The following STPG2 variants were observed in gnomAD, a reference collection of about 807,000 sequenced individuals.
The protein encoded by STPG2 is sperm tail PG-rich repeat containing 2.
In STPG2, 56 loss-of-function variants were observed where a neutral mutation model predicts 54.2. The ratio of observed to expected loss-of-function variants is 1.03; its 90% CI spans 0.83 to 1.29. STPG2 has a LOEUF of 1.29. Ranked by LOEUF, STPG2 falls within the 50% of genes most tolerant of loss-of-function variation. The probability of loss-of-function intolerance (pLI) is 0.00; values close to 1 mark genes in which losing one functional copy is unlikely to be tolerated. For missense variants in STPG2, 596 were observed against 544.9 expected (o/e 1.09, Z -0.93); for synonymous variants, 200 against 181.8 (o/e 1.10, Z -0.81).
chr4:97,832,060 C>A (rs950686366), intron 9 of STPG2, among the ~76,000 whole-genome samples: 3 of 152,086 alleles, frequency 2.0e-5, no homozygotes, highest in Non-Finnish European at 2.9e-5. Context: ...GGCAGAGACA[C>A]AACAAAAACA....
At chr4:97,725,842 T>C (rs1724606165) in intron 9 of STPG2, among the ~76,000 whole-genome samples, 1 of 151,900 alleles carries the variant, frequency 6.6e-6, no homozygotes, top group Admixed American at 6.6e-5. Flanking sequence ...CGTAGATATA[T>C]TACTGTGAAA....
At chr4:97,578,049 T>C (rs1024875554) in intron 10 of STPG2, among the ~76,000 whole-genome samples, 3 of 151,968 alleles carry the variant, frequency 2.0e-5, no homozygotes, top group Admixed American at 6.6e-5. Flanking sequence ...TCCTGTTAGA[T>C]TTAATTAACC....
rs1578192076 is a variant in STPG2 at position 98,143,373 on chromosome 4, A to G, written c.-223T>C. 3 of 519,144 alleles carry G rather than the reference A, an allele frequency of 5.8e-6. No homozygotes were observed. In the East Asian group the frequency reaches 9.6e-5, roughly 17 times the overall value. The allele number at this position is 519,144 out of a possible 1,614,324, so 32.2% of individuals were successfully genotyped here. ...AGCTCTGTGGTAAAGTAGAGGGGTG[A>G]GCGACTAGAGATTAGACGTCCCACA... On this transcript the variant is annotated 5_prime_UTR_variant, in exon 1 of 11. Coordinates refer to ENST00000295268, the MANE Select transcript of STPG2 (RefSeq NM_174952.3).
chr4:97,988,443 T>A (rs955292209), intron 5 of STPG2, among the ~76,000 whole-genome samples: 1 of 152,178 alleles, frequency 6.6e-6, no homozygotes, highest in Non-Finnish European at 1.5e-5. Context: ...CTCTAGAGTA[T>A]AAAACAGTAC....
At chr4:97,647,165 G>A (rs1721936073) in intron 10 of STPG2, among the ~76,000 whole-genome samples, 1 of 152,110 alleles carries the variant, frequency 6.6e-6, no homozygotes, top group South Asian at 2.1e-4. Context: ...ATGAGAAGTA[G>A]CATAAATGCT....
At chr4:97,760,841 G>A (rs1227238784) in intron 9 of STPG2, among the ~76,000 whole-genome samples, 1 of 152,108 alleles carries the variant, frequency 6.6e-6, no homozygotes, top group African/African-American at 2.4e-5. Context: ...GCTAAAATAT[G>A]GATGACTGCA....
At chr4:97,518,437 G>C (rs915844493) in intron 4 of STPG2, among the ~76,000 whole-genome samples, 1 of 152,044 alleles carries the variant, frequency 6.6e-6, no homozygotes, top group Non-Finnish European at 1.5e-5. Flanking sequence ...AAGGTTAAAA[G>C]TTATGACATG....
chr4:97,811,481 TAAACA>T (rs1727739306), intron 9 of STPG2, among the ~76,000 whole-genome samples: 4 of 152,120 alleles, frequency 2.6e-5, no homozygotes, highest in African/African-American at 9.7e-5. Flanking sequence ...TTATTTTATT[TAAACA>T]TAGTTCCATT....
intron 5 of STPG2, among the ~76,000 whole-genome samples, chr4:98,036,876 C>G (rs528866683): frequency 2.0e-4 from 30 of 152,090 alleles, no homozygotes; most frequent in Non-Finnish European, 1.3e-4. Flanking sequence ...AAAATCAACA[C>G]AACTAAAAAT....
At chr4:97,452,114 G>GCCCCCCCCCCCCCC (rs751089640) in intron 4 of STPG2, among the ~76,000 whole-genome samples, 1 of 17,014 alleles carries the variant, frequency 5.9e-5, no homozygotes, top group Admixed American at 6.7e-4. Flanking sequence ...CAGGAGCCCC[G>GCCCCCCCCCCCCCC]CCCCCACCCC....
intron 3 of STPG2, among the ~76,000 whole-genome samples, chr4:98,117,422 T>C (rs1739551665): frequency 6.6e-6 from 1 of 152,032 alleles, no homozygotes; most frequent in Non-Finnish European, 1.5e-5. Flanking sequence ...TTAATCTTAC[T>C]TAGAGTTTGT....
Position 97,608,326 on chromosome 4 carries a change from G to A in STPG2, c.1321-49209C>T, listed in dbSNP as rs1733645011. Among the ~76,000 whole-genome samples, 4 of 151,766 alleles carry A rather than the reference G, an allele frequency of 2.6e-5. No individual in the cohort carries two copies. In the South Asian group the frequency reaches 8.3e-4, roughly 32 times the overall value. Reference sequence around the variant, plus strand: ...AATAATGTAGCATAAAATTGAAGGTGCCTAACTGATTAAAAAAAAATTTGG... The same window carrying A: ...AATAATGTAGCATAAAATTGAAGGTACCTAACTGATTAAAAAAAAATTTGG... On this transcript the variant is annotated intron_variant, in intron 10 of 10. Coordinates refer to ENST00000295268, the MANE Select transcript of STPG2 (RefSeq NM_174952.3).
chr4:97,544,242 G>A (rs991307480), intron 4 of STPG2, among the ~76,000 whole-genome samples: 2 of 152,058 alleles, frequency 1.3e-5, no homozygotes, highest in Non-Finnish European at 2.9e-5. Context: ...AATCCATGGA[G>A]ATATCCGTAA....
intron 10 of STPG2, among the ~76,000 whole-genome samples, chr4:97,618,492 G>C (rs1733927992): frequency 6.6e-6 from 1 of 152,106 alleles, no homozygotes; most frequent in Non-Finnish European, 1.5e-5. Context: ...GTAGGTAATA[G>C]ATATGGAAAT....
intron 5 of STPG2, among the ~76,000 whole-genome samples, chr4:98,055,454 G>A (rs1206574160): frequency 6.6e-6 from 1 of 152,158 alleles, no homozygotes; most frequent in African/African-American, 2.4e-5. Flanking sequence ...TGGGCTAAGA[G>A]CACCAGACTC....
chr4:97,953,036 A>C (rs1010754245), intron 7 of STPG2, among the ~76,000 whole-genome samples: 1 of 152,184 alleles, frequency 6.6e-6, no homozygotes, highest in African/African-American at 2.4e-5. Context: ...GGTGACGGGC[A>C]GAGCTATAGA....
intron 10 of STPG2, among the ~76,000 whole-genome samples, chr4:97,565,133 C>A (rs1002295337): frequency 6.6e-6 from 1 of 152,092 alleles, no homozygotes; most frequent in African/African-American, 2.4e-5. Flanking sequence ...TTGTTCGTTT[C>A]TTTTTATTCT....
intron 10 of STPG2, among the ~76,000 whole-genome samples, chr4:97,592,924 T>G (rs1230069172): frequency 1.3e-5 from 2 of 152,050 alleles, no homozygotes; most frequent in Non-Finnish European, 2.9e-5. Flanking sequence ...GTGTTTGTGG[T>G]GGGAGCGTCT....
At chr4:97,671,254 T>C (rs1302845758) in intron 10 of STPG2, among the ~76,000 whole-genome samples, 1 of 152,242 alleles carries the variant, frequency 6.6e-6, no homozygotes, top group Non-Finnish European at 1.5e-5. Context: ...TTTGCTCTCC[T>C]AGTTCATGTC....
Sources: allele counts gnomAD v4.1 joint callset (sites outside exome capture counted in the v4.1 genomes callset), GRCh38; gene constraint gnomAD v4.1.1; transcripts MANE v1.5; gene names NCBI Gene and HGNC (gene_info 2026-07-23, HGNC 2026-07-21).